Variants in WWC2 observed in about 807,000 individuals in gnomAD.
WWC2 encodes protein WWC2.
A neutral mutation model predicts 138.5 loss-of-function variants in WWC2; 101 were observed. That is an observed-to-expected ratio of 0.73 (90% CI 0.62 to 0.86). WWC2 has a LOEUF of 0.86. Ranked by LOEUF, WWC2 falls within the 40% of genes least tolerant of loss-of-function variation. WWC2 has a pLI of 0.00. For synonymous variants in WWC2, 558 were observed against 538.4 expected (o/e 1.04, Z -0.50); for missense variants, 1,420 against 1,419.4 (o/e 1.00, Z -0.01).
intron 16 of WWC2, among the ~76,000 whole-genome samples, chr4:183,272,632 A>G (rs1208952481): frequency 6.6e-6 from 1 of 152,138 alleles, no homozygotes; most frequent in Non-Finnish European, 1.5e-5. Flanking sequence ...GCAACCACTA[A>G]TCTCTACTAC....
chr4:183,249,081 A>C (rs1259230528), intron 7 of WWC2, among the ~76,000 whole-genome samples: 2 of 152,046 alleles, frequency 1.3e-5, no homozygotes, highest in Non-Finnish European at 2.9e-5. Flanking sequence ...GCTTTGTTCA[A>C]ACTTTCTCAT....
intron 1 of WWC2, among the ~76,000 whole-genome samples, chr4:183,184,190 G>A (rs972533653): frequency 1.3e-5 from 2 of 151,974 alleles, no homozygotes; most frequent in Admixed American, 1.3e-4. Flanking sequence ...TTTTTTATGC[G>A]TTTGTGAACT....
At chr4:183,244,709 A>G (rs925657665) in intron 5 of WWC2, among the ~76,000 whole-genome samples, 2 of 152,090 alleles carry the variant, frequency 1.3e-5, no homozygotes, top group African/African-American at 4.8e-5. Flanking sequence ...GCCCTGTGCC[A>G]GGTTTTGCAC....
chr4:183,276,497 C>A (rs1368759840), intron 16 of WWC2, among the ~76,000 whole-genome samples: 1 of 151,836 alleles, frequency 6.6e-6, no homozygotes, highest in Non-Finnish European at 1.5e-5. Context: ...GAGTTCTTAA[C>A]TTATTAAAAA....
At chr4:183,305,805 G>T (rs1469740820) in intron 21 of WWC2, among the ~76,000 whole-genome samples, 1 of 152,166 alleles carries the variant, frequency 6.6e-6, no homozygotes, top group East Asian at 1.9e-4. Flanking sequence ...TAGCAACATG[G>T]ATCTATGTAA....
intron 1 of WWC2, among the ~76,000 whole-genome samples, chr4:183,111,925 T>C (rs759810817): frequency 6.6e-5 from 10 of 152,154 alleles, no homozygotes; most frequent in Non-Finnish European, 1.3e-4. Context: ...CTCCAACTCC[T>C]GGCCTCAAGC....
chr4:183,200,723 T>C (rs1278195374), intron 2 of WWC2, among the ~76,000 whole-genome samples: 1 of 152,120 alleles, frequency 6.6e-6, no homozygotes, highest in Admixed American at 6.5e-5. Flanking sequence ...CACGTGGGCC[T>C]CTCCACAGGA....
At chr4:183,208,293 G>A (rs1336782042) in intron 3 of WWC2, 137 bp downstream of exon 3, 6 of 940,912 alleles carry the variant, frequency 6.4e-6, no homozygotes, top group African/African-American at 3.3e-5. Context: ...AAACCATTGA[G>A]AGGTGAGGGC....
intron 21 of WWC2, among the ~76,000 whole-genome samples, chr4:183,301,111 G>C (rs561697638): frequency 6.6e-6 from 1 of 152,152 alleles, no homozygotes; most frequent in South Asian, 2.1e-4. Context: ...GGTATTTCAT[G>C]AAGAATTTGA....
At chr4:183,217,071 T>C (rs1239151911) in intron 4 of WWC2, among the ~76,000 whole-genome samples, 3 of 152,248 alleles carry the variant, frequency 2.0e-5, no homozygotes, top group Non-Finnish European at 4.4e-5. Context: ...ATTGGACTTC[T>C]TCTAACAAAA....
intron 6 of WWC2, 123 bp from the exon 7 acceptor site, chr4:183,248,591 C>G: frequency 1.0e-6 from 1 of 965,996 alleles, no homozygotes; most frequent in East Asian, 2.7e-5. Flanking sequence ...ATGGTAAGTA[C>G]CTACTAAAAT....
At chr4:183,306,881 C>CAAAAAAAAAA (rs55750701) in intron 21 of WWC2, among the ~76,000 whole-genome samples, 2,240 of 84,566 alleles carry the variant, frequency 0.026, 300 homozygotes, top group African/African-American at 0.036. Flanking sequence ...ATATATGAGG[C>CAAAAAAAAAA]AAAAAAAAAA....
intron 16 of WWC2, among the ~76,000 whole-genome samples, chr4:183,272,564 A>G (rs767912233): frequency 1.2e-4 from 18 of 152,160 alleles, no homozygotes; most frequent in Non-Finnish European, 2.1e-4. Context: ...ATCGTCGCCA[A>G]AGAAGCCCTG....
chr4:183,306,785 C>G (rs931220414), intron 21 of WWC2, among the ~76,000 whole-genome samples: 10 of 147,670 alleles, frequency 6.8e-5, no homozygotes, highest in African/African-American at 2.5e-4. Flanking sequence ...CCTTGGCCTC[C>G]CAAAGTGCTG....
chr4:183,282,942 C>T (rs773388796), intron 18 of WWC2, 36 bp downstream of exon 18: 3 of 1,521,962 alleles, frequency 2.0e-6, no homozygotes, highest in Non-Finnish European at 2.7e-6. Flanking sequence ...AAACTGATAC[C>T]TTACAGGCAC....
chr4:183,315,692 A>C lies in WWC2; in HGVS notation c.3542A>C (p.Lys1181Thr), dbSNP rs1739410223. The change falls in exon 23 of 23, where the codon AAG becomes ACG. Residue 1181 changes from lysine to threonine, a missense_variant. Transcript: ENST00000403733. Reference sequence around the variant, plus strand: ...AAGATTGCCTACTTCACCAGAGCAAAGATAAGCATCCCATCCCTGCCAGCT... The same window carrying C: ...AAGATTGCCTACTTCACCAGAGCAACGATAAGCATCCCATCCCTGCCAGCT... ...REKIAYFTRA[K>T]ISIPSLPADD... 1 of 1,613,568 alleles carries C rather than the reference A, an allele frequency of 6.2e-7. No individual in the cohort carries two copies. The highest frequency in any genetic ancestry group is 8.5e-7 in the Non-Finnish European group (1 of 1,179,688).
Position 183,284,343 on chromosome 4 carries a change from C to T in WWC2, c.3001C>T (p.Arg1001Cys), listed in dbSNP as rs1463756839. ...HPFVRSSVIV[R>C]SQTFSPGERN... ...GTTTGTGAGGAGCAGTGTGATAGTG[C>T]GCTCACAGACCTTTTCTCCAGGAGA... The change falls in exon 19 of 23, where the codon CGC becomes TGC. Residue 1001 changes from arginine to cysteine, a missense_variant. By Grantham distance (180) the Arg-to-Cys change is radical. Coordinates refer to ENST00000403733, the MANE Select transcript of WWC2 (RefSeq NM_024949.6). 3 of 1,613,772 alleles carry T rather than the reference C, an allele frequency of 1.9e-6. No homozygotes were observed. The highest frequency in any genetic ancestry group is 1.7e-5 in the Admixed American group (1 of 60,016).
intron 1 of WWC2, among the ~76,000 whole-genome samples, chr4:183,142,762 G>A (rs530017871): frequency 6.6e-6 from 1 of 152,356 alleles, no homozygotes. Context: ...GAGCCATGTG[G>A]CGTATGTTCT....
In WWC2 at chr4:183,103,924, A is replaced by G. The variant is rs371543153; in HGVS notation, c.131+4302A>G. Among the ~76,000 whole-genome samples, 35 of 152,042 alleles carry G rather than the reference A, an allele frequency of 2.3e-4. No individual in the cohort carries two copies. The East Asian group carries it at 3.5e-3, about 15-fold the overall frequency. ...GCTGGGATTACAGGCATGAGCCACC[A>G]CGCCCGGCCTGGCCTTGTCTTTCTT... On this transcript the variant is annotated intron_variant, in intron 1 of 22. Transcript: ENST00000403733.
Sources: allele counts gnomAD v4.1 joint callset (sites outside exome capture counted in the v4.1 genomes callset), GRCh38; gene constraint gnomAD v4.1.1; transcripts MANE v1.5; gene names NCBI Gene and HGNC (gene_info 2026-07-23, HGNC 2026-07-21).